The following TARS3 variants were observed in gnomAD, a reference collection of about 807,000 sequenced individuals.
TARS3 encodes the protein threonyl-tRNA synthetase 3.
A neutral mutation model predicts 103.5 loss-of-function variants in TARS3; 94 were observed. The ratio of observed to expected loss-of-function variants is 0.91; its 90% confidence interval spans 0.77 to 1.08. The LOEUF is 1.08. Among genes scored for constraint, TARS3 ranks in the 50% least tolerant of loss-of-function variants. The probability of loss-of-function intolerance (pLI) is 0.00; values close to 1 mark genes in which losing one functional copy is unlikely to be tolerated. For missense variants in TARS3, 952 were observed against 995.2 expected (o/e 0.96, Z 0.58); for synonymous variants, 416 against 355.4 (o/e 1.17, Z -1.92).
chr15:101,672,848 CAT>C (rs1236348103), intron 13 of TARS3, among the ~76,000 whole-genome samples: 1 of 152,188 alleles, frequency 6.6e-6, no homozygotes, highest in Admixed American at 6.5e-5. Context: ...AACACAGGTA[CAT>C]GTTTCCAGGA....
Position 101,705,755 on chromosome 15 carries a change from G to C in TARS3, c.931-8C>G, listed in dbSNP as rs1364012237. ...GCATTTAAATTTATTGTACTACGAA[G>C]AAAAACATATTTACACATTATTACA... On this transcript the variant is annotated splice_polypyrimidine_tract_variant and splice_region_variant and intron_variant, in intron 6 of 18. Transcript: ENST00000335968. 4.4e-6 allele frequency: 7 copies of C among 1,588,246 alleles called. No homozygotes were observed. The Admixed American group carries it at 5.1e-5, about 12-fold the overall frequency.
intron 10 of TARS3, among the ~76,000 whole-genome samples, chr15:101,691,720 T>C (rs1294770322): frequency 6.6e-6 from 1 of 152,232 alleles, no homozygotes; most frequent in Non-Finnish European, 1.5e-5. Flanking sequence ...CAAAACTCCC[T>C]GATAAATATA....
In TARS3 at chr15:101,703,861, T is replaced by TA; in HGVS notation, c.1071dup (p.Lys358Ter). ...ATTAAAAAAAAATCAATCCTTACCT[T>TA]AAAAATTTTGATGGTTTTAATTTTT... On this transcript the variant is annotated frameshift_variant, in exon 8 of 19. Coordinates refer to ENST00000335968, the MANE Select transcript of TARS3 (RefSeq NM_152334.3). LOFTEE classifies it high-confidence loss of function. 1.2e-6 allele frequency: 2 copies of TA among 1,609,914 alleles called. No individual in the cohort carries two copies. The highest frequency in any genetic ancestry group is 1.7e-6 in the Non-Finnish European group (2 of 1,176,854).
chr15:101,657,317 G>A (rs531254330), intron 17 of TARS3, among the ~76,000 whole-genome samples: 33 of 152,360 alleles, frequency 2.2e-4, no homozygotes, highest in African/African-American at 6.5e-4. Flanking sequence ...CCCAGGTGAT[G>A]AGGAGCTGCA....
Position 101,656,951 on chromosome 15 carries a change from G to A in TARS3, c.2231C>T (p.Ala744Val). ...AATAAAATTATACTGAGCCAGCTGTGCATTTCGTATTTTCTTATTTAGTGT... is the reference window on the plus strand; with the variant it reads ...AATAAAATTATACTGAGCCAGCTGTACATTTCGTATTTTCTTATTTAGTGT... ...SCTLNKKIRN[A>V]QLAQYNFILV... The change falls in exon 18 of 19, where the codon GCA becomes GTA. Residue 744 changes from alanine (A) to valine (V), a missense_variant. Physicochemically the swap from Ala to Val is moderately conservative, Grantham distance 64 (BLOSUM62 0). Coordinates refer to ENST00000335968, the MANE Select transcript of TARS3 (RefSeq NM_152334.3). 1.9e-6 allele frequency: 3 copies of A among 1,612,222 alleles called. No homozygotes were observed. Among genetic ancestry groups the A allele is most frequent in the Middle Eastern group, 1.7e-4 (1 of 6,056 alleles).
chr15:101,711,963 G>A lies in TARS3; in HGVS notation c.729C>T (p.Ala243=). 2 of 1,613,858 alleles carry A rather than the reference G, an allele frequency of 1.2e-6. No homozygotes were observed. Among genetic ancestry groups the A allele is most frequent in the African/African-American group, 1.3e-5 (1 of 75,026 alleles). The change falls in exon 5 of 19, where the codon GCC becomes GCT. Residue 243 remains alanine, a synonymous_variant. Coordinates refer to ENST00000335968, the MANE Select transcript of TARS3 (RefSeq NM_152334.3). ...WHSSAHILGE[A]MELYYGGHLC... ...GGTGGCCTCCATAGTAAAGCTCCAT[G>A]GCCTCCCCAAGAATGTGAGCACTGG... is the stretch of plus-strand genomic sequence containing the variant.
intron 12 of TARS3, among the ~76,000 whole-genome samples, chr15:101,678,763 C>T (rs1385701244): frequency 6.6e-6 from 1 of 152,134 alleles, no homozygotes; most frequent in East Asian, 1.9e-4. Context: ...TTTATTTTCA[C>T]AATCTTTTTC....
chr15:101,702,060 G>C (rs564038114), intron 9 of TARS3, among the ~76,000 whole-genome samples, 179 bp downstream of exon 9: 2 of 152,238 alleles, frequency 1.3e-5, no homozygotes, highest in Non-Finnish European at 1.5e-5. Flanking sequence ...AGGAAGGAAA[G>C]AGGTTAGAAG....
intron 11 of TARS3, among the ~76,000 whole-genome samples, chr15:101,684,854 G>A (rs944636804): frequency 5.9e-5 from 9 of 152,202 alleles, no homozygotes; most frequent in African/African-American, 2.2e-4. Flanking sequence ...CTTATTCTGA[G>A]GTGTAAAAAG....
intron 2 of TARS3, among the ~76,000 whole-genome samples, chr15:101,722,120 T>C (rs1318764247): frequency 6.6e-6 from 1 of 151,710 alleles, no homozygotes; most frequent in Non-Finnish European, 1.5e-5. Flanking sequence ...ACTTCCCACC[T>C]CCAAAAGGCT....
chr15:101,676,803 T>G (rs1048663925), intron 12 of TARS3, among the ~76,000 whole-genome samples: 6 of 101,978 alleles, frequency 5.9e-5, no homozygotes, highest in African/African-American at 1.0e-4. Flanking sequence ...CACTACACCC[T>G]TTTTTTTTTT....
Position 101,702,377 on chromosome 15 carries a change from T to C in TARS3, c.1083A>G (p.Ser361=). Residue 361 remains serine (S), a synonymous_variant, in exon 9 of 19, where the codon TCA becomes TCG. Transcript: ENST00000335968. ...TTTCCGGATTGCCCTCCCAATATGT[T>C]GAGGAATTCTAAATATCAAAGAGGA... The part of the protein sequence containing the change: ...IKTIKIFKNS[S]TYWEGNPEME... The C allele has an allele frequency of 6.2e-7, 1 of 1,613,352 alleles. No homozygotes were observed. The highest frequency in any genetic ancestry group is 8.5e-7 in the Non-Finnish European group (1 of 1,179,382).
At chr15:101,658,690 G>A (rs569291709) in intron 16 of TARS3, among the ~76,000 whole-genome samples, 1 of 152,288 alleles carries the variant, frequency 6.6e-6, no homozygotes, top group South Asian at 2.1e-4. Flanking sequence ...CAAGGTTGGT[G>A]GACAGTCTCA....
chr15:101,664,310 T>G (rs922992627), intron 15 of TARS3: 12 of 152,294 alleles, frequency 7.9e-5, no homozygotes, highest in African/African-American at 2.9e-4. Context: ...CTGATGGCCC[T>G]AAGCAATTTT....
chr15:101,664,406 G>C (rs1897499094), intron 15 of TARS3: 1 of 152,146 alleles, frequency 6.6e-6, no homozygotes, highest in Non-Finnish European at 1.5e-5. Context: ...AGACTTTTCG[G>C]AGTCCTACTA....
intron 3 of TARS3, among the ~76,000 whole-genome samples, chr15:101,716,003 T>A (rs1200721485): frequency 6.6e-6 from 1 of 152,116 alleles, no homozygotes; most frequent in South Asian, 2.1e-4. Flanking sequence ...TTTTATGAAC[T>A]ATCCGCTTCC....
At chr15:101,718,702 A>G (rs564575897) in intron 3 of TARS3, among the ~76,000 whole-genome samples, 1 of 152,176 alleles carries the variant, frequency 6.6e-6, no homozygotes, top group Non-Finnish European at 1.5e-5. Context: ...TCCATTAAAC[A>G]AGGAGACAGG....
intron 5 of TARS3, among the ~76,000 whole-genome samples, chr15:101,711,562 T>C (rs1256340528): frequency 6.6e-6 from 1 of 152,238 alleles, no homozygotes; most frequent in Non-Finnish European, 1.5e-5. Flanking sequence ...AAATACATTT[T>C]CTCTTCCTTA....
chr15:101,712,239 T>C (rs1197897839), intron 4 of TARS3, among the ~76,000 whole-genome samples: 2 of 152,106 alleles, frequency 1.3e-5, no homozygotes, highest in South Asian at 2.1e-4. Context: ...CTCTGCTGAG[T>C]GGCAGCTAGA....
Sources: allele counts gnomAD v4.1 joint callset (sites outside exome capture counted in the v4.1 genomes callset), GRCh38; gene constraint gnomAD v4.1.1; transcripts MANE v1.5; gene names NCBI Gene and HGNC (gene_info 2026-07-23, HGNC 2026-07-21).